SORCS1: variants seen among roughly 807,000 people sequenced by gnomAD.
SORCS1 encodes VPS10 domain-containing receptor SorCS1.
SORCS1 carries 60 observed loss-of-function variants against 146.1 expected under a neutral mutation model. That is an observed-to-expected ratio of 0.41 (90% CI 0.33 to 0.51). SORCS1 has a LOEUF of 0.51. Ranked by LOEUF, SORCS1 falls within the 20% of genes least tolerant of loss-of-function variation. The pLI is 0.21. For missense variants in SORCS1, 1,352 were observed against 1,487.6 expected, an observed-to-expected ratio of 0.91 and a Z score of 1.50; for synonymous variants, 637 against 584.0, an observed-to-expected ratio of 1.09 and a Z score of -1.31.
chr10:106,906,993 T>C (rs1043927998), intron 2 of SORCS1, among the ~76,000 whole-genome samples: 1 of 152,208 alleles, frequency 6.6e-6, no homozygotes, highest in African/African-American at 2.4e-5. Context: ...CTGTGCTTTT[T>C]CTTCCAAGCT....
At chr10:107,088,824 T>C (rs1333025245) in intron 1 of SORCS1, among the ~76,000 whole-genome samples, 5 of 152,230 alleles carry the variant, frequency 3.3e-5, no homozygotes, top group Non-Finnish European at 5.9e-5. Flanking sequence ...GAATTTGTCA[T>C]GGTTCCTCCA....
At chr10:107,143,796 G>A (rs561166595) in intron 1 of SORCS1, among the ~76,000 whole-genome samples, 25 of 151,986 alleles carry the variant, frequency 1.6e-4, no homozygotes, top group Middle Eastern at 3.4e-3. Flanking sequence ...GAGCCACCAC[G>A]CCCGGCCTAA....
At chr10:106,666,278 G>C (rs934553330) in intron 17 of SORCS1, among the ~76,000 whole-genome samples, 1 of 152,236 alleles carries the variant, frequency 6.6e-6, no homozygotes, top group African/African-American at 2.4e-5. Context: ...CAAAGTAAGA[G>C]AGAATTCCTT....
intron 2 of SORCS1, among the ~76,000 whole-genome samples, chr10:106,891,501 A>ATTATTTTTT (rs562213104): frequency 1.4e-5 from 1 of 74,066 alleles, no homozygotes; most frequent in Non-Finnish European, 2.9e-5. Context: ...TTCAATGGGA[A>ATTATTTTTT]TTCTTTTTTT....
chr10:106,753,585 A>G (rs1030921853), intron 5 of SORCS1, among the ~76,000 whole-genome samples: 1 of 151,976 alleles, frequency 6.6e-6, no homozygotes, highest in African/African-American at 2.4e-5. Flanking sequence ...ATGGACAGGT[A>G]TGTTAGCAAA....
At chr10:106,595,790 G>A (rs1196300648) in intron 24 of SORCS1, among the ~76,000 whole-genome samples, 1 of 152,032 alleles carries the variant, frequency 6.6e-6, no homozygotes, top group African/African-American at 2.4e-5. Context: ...TGGTGCTTTG[G>A]TGCTTAGAAT....
chr10:106,825,269 C>CTTTTTT (rs35830829), intron 3 of SORCS1, among the ~76,000 whole-genome samples: 1 of 119,186 alleles, frequency 8.4e-6, no homozygotes, highest in African/African-American at 3.2e-5. Flanking sequence ...GAGATTTCAA[C>CTTTTTT]TTTTTTTTTT....
chr10:106,820,460 A>G (rs975456954), intron 3 of SORCS1, among the ~76,000 whole-genome samples: 5 of 152,228 alleles, frequency 3.3e-5, no homozygotes, highest in Non-Finnish European at 7.3e-5. Context: ...AAAACCATCA[A>G]AAGAAGATCT....
intron 25 of SORCS1, chr10:106,579,152 A>G: frequency 6.2e-7 from 1 of 1,614,124 alleles, no homozygotes; most frequent in Non-Finnish European, 8.5e-7. Flanking sequence ...GTTCAGTCTG[A>G]GGGACATTGG....
chr10:106,734,445 C>CA (rs1856811339), intron 5 of SORCS1, among the ~76,000 whole-genome samples: 1 of 152,102 alleles, frequency 6.6e-6, no homozygotes, highest in African/African-American at 2.4e-5. Flanking sequence ...AAAAATTAGG[C>CA]CATGTTATAA....
chr10:107,072,396 A>C (rs911735629), intron 1 of SORCS1, among the ~76,000 whole-genome samples: 1 of 152,216 alleles, frequency 6.6e-6, no homozygotes, highest in Non-Finnish European at 1.5e-5. Flanking sequence ...AAAAGTTTTC[A>C]TCTGCATAAT....
chr10:107,155,403 C>T (rs943997409), intron 1 of SORCS1, among the ~76,000 whole-genome samples: 2 of 152,148 alleles, frequency 1.3e-5, no homozygotes, highest in Non-Finnish European at 2.9e-5. Flanking sequence ...GGTCCCTTCT[C>T]CCCATCAGGT....
intron 1 of SORCS1, among the ~76,000 whole-genome samples, chr10:106,976,566 C>T (rs1428124341): frequency 6.6e-6 from 1 of 152,082 alleles, no homozygotes; most frequent in Non-Finnish European, 1.5e-5. Flanking sequence ...CTCCTGACCT[C>T]ATGATCCGCC....
At chr10:106,625,754 A>G (rs1180613046) in intron 19 of SORCS1, among the ~76,000 whole-genome samples, 5 of 152,080 alleles carry the variant, frequency 3.3e-5, no homozygotes, top group Admixed American at 1.3e-4. Flanking sequence ...TACAAGATCC[A>G]CCTTATCTTT....
intron 16 of SORCS1, 116 bp downstream of exon 16, chr10:106,671,121 T>C (rs1239218164): frequency 5.1e-6 from 7 of 1,386,042 alleles, no homozygotes; most frequent in Admixed American, 4.2e-5. Flanking sequence ...TATAAGAATA[T>C]GAAGCTGGCC....
chr10:106,939,807 G>C (rs1953937769), intron 2 of SORCS1, among the ~76,000 whole-genome samples: 1 of 152,192 alleles, frequency 6.6e-6, no homozygotes. Context: ...ATAAGAAAAA[G>C]GTTTTTCTAA....
intron 1 of SORCS1, among the ~76,000 whole-genome samples, chr10:106,972,721 T>G (rs907857367): frequency 1.3e-5 from 2 of 152,160 alleles, no homozygotes; most frequent in Non-Finnish European, 2.9e-5. Flanking sequence ...AGTTGAATGC[T>G]TTAGAGATGA....
chr10:106,751,865 A>G (rs527825113), intron 5 of SORCS1, among the ~76,000 whole-genome samples: 2 of 152,294 alleles, frequency 1.3e-5, no homozygotes, highest in African/African-American at 4.8e-5. Context: ...CTGCTGCTCT[A>G]TTTACTGTAG....
At chr10:106,964,155 T>C (rs1228232795) in intron 1 of SORCS1, among the ~76,000 whole-genome samples, 1 of 152,178 alleles carries the variant, frequency 6.6e-6, no homozygotes, top group Non-Finnish European at 1.5e-5. Context: ...ACCTAAAGGT[T>C]AGAGTATGAG....
Sources: allele counts gnomAD v4.1 joint callset (sites outside exome capture counted in the v4.1 genomes callset), GRCh38; gene constraint gnomAD v4.1.1; transcripts MANE v1.5; gene names NCBI Gene and HGNC (gene_info 2026-07-23, HGNC 2026-07-21).